The following PPARGC1A variants were observed in gnomAD, a reference collection of about 807,000 sequenced individuals.
The protein encoded by PPARGC1A is peroxisome proliferator-activated receptor gamma coactivator 1-alpha.
Under a neutral mutation model 88.7 loss-of-function variants are expected in PPARGC1A, and 25 were observed. That is an observed-to-expected ratio of 0.28 (90% CI 0.21 to 0.39). The LOEUF (loss-of-function observed/expected upper bound fraction) is 0.39, where lower values mean the gene tolerates loss of function less well. Ranked by LOEUF, PPARGC1A falls within the 10% of genes least tolerant of loss-of-function variation. The pLI is 1.00. For synonymous variants in PPARGC1A, 363 were observed against 355.6 expected, an observed-to-expected ratio of 1.02 and a Z score of -0.24; for missense variants, 880 against 968.7, an observed-to-expected ratio of 0.91 and a Z score of 1.22.
chr4:24,129,415 T>A, the PPARGC1A span, among the ~76,000 whole-genome samples: 1 of 152,234 alleles, frequency 6.6e-6, no homozygotes, highest in Non-Finnish European at 1.5e-5. Flanking sequence ...AATGGCTCAT[T>A]ATTCTAATGT....
chr4:24,454,103 G>A, the PPARGC1A span, among the ~76,000 whole-genome samples: 3 of 151,810 alleles, frequency 2.0e-5, no homozygotes, highest in African/African-American at 7.2e-5. Flanking sequence ...TGGAAACGTG[G>A]ATACATGGCT....
the PPARGC1A span, among the ~76,000 whole-genome samples, chr4:23,947,205 G>A: frequency 4.0e-5 from 6 of 151,648 alleles, no homozygotes; most frequent in African/African-American, 9.7e-5. Context: ...ATGATTCCAC[G>A]AGTACTGATA....
the PPARGC1A span, among the ~76,000 whole-genome samples, chr4:24,301,303 A>T: frequency 3.3e-5 from 5 of 152,180 alleles, no homozygotes; most frequent in South Asian, 1.0e-3. Context: ...GTCCAGGGTT[A>T]ATGAGGTTCA....
chr4:24,310,841 A>C, the PPARGC1A span, among the ~76,000 whole-genome samples: 1 of 152,150 alleles, frequency 6.6e-6, no homozygotes, highest in Non-Finnish European at 1.5e-5. Flanking sequence ...ACCTAGTATT[A>C]AGAGAAAAAC....
upstream of PPARGC1A, chr4:23,903,972 C>G (rs1287630558): frequency 3.3e-6 from 3 of 917,928 alleles, no homozygotes; most frequent in Non-Finnish European, 2.6e-6. Context: ...TAGGTGCAGA[C>G]ATAATGCCTC....
Position 23,831,682 on chromosome 4 carries a change from C to A in PPARGC1A, c.304G>T (p.Asp102Tyr), listed in dbSNP as rs773174815. ...TCAAATGAGGGCAATCCGTCTTCATCCACAGGGAGACTGTCTAGTGTCTCT... is the reference window on the plus strand; with the variant it reads ...TCAAATGAGGGCAATCCGTCTTCATACACAGGGAGACTGTCTAGTGTCTCT... ...LTETLDSLPVDEDGLPSFDAL... is the reference protein window; with the variant it reads ...LTETLDSLPVYEDGLPSFDAL... The change falls in exon 3 of 13, where the codon GAT becomes TAT. Residue 102 changes from aspartate to tyrosine, a missense_variant. Physicochemically the swap from Asp to Tyr is radical, Grantham distance 160. Transcript: ENST00000264867. 16 of 1,613,870 alleles carry A rather than the reference C, an allele frequency of 9.9e-6. No homozygotes were observed. The South Asian group carries it at 1.8e-4, about 18-fold the overall frequency.
At chr4:24,337,228 C>T in the PPARGC1A span, among the ~76,000 whole-genome samples, 4 of 152,210 alleles carry the variant, frequency 2.6e-5, no homozygotes, top group African/African-American at 4.8e-5. Flanking sequence ...ACTCTCACCG[C>T]CCCACCCAAT....
chr4:23,998,515 A>C, the PPARGC1A span, among the ~76,000 whole-genome samples: 1 of 152,244 alleles, frequency 6.6e-6, no homozygotes, highest in African/African-American at 2.4e-5. Flanking sequence ...GTAAAGTAAG[A>C]GCTATGCAAA....
the PPARGC1A span, among the ~76,000 whole-genome samples, chr4:24,226,607 C>G: frequency 6.6e-6 from 1 of 152,174 alleles, no homozygotes. Context: ...GGTTTATTTC[C>G]TTGGTTCCAC....
chr4:24,145,746 C>T, the PPARGC1A span, among the ~76,000 whole-genome samples: 43 of 152,170 alleles, frequency 2.8e-4, no homozygotes, highest in Admixed American at 8.5e-4. Flanking sequence ...TAATTCCAGA[C>T]GCATAACAAA....
chr4:24,089,510 C>CTTTTTT, the PPARGC1A span, among the ~76,000 whole-genome samples: 22 of 33,832 alleles, frequency 6.5e-4, no homozygotes, highest in African/African-American at 1.5e-3. Flanking sequence ...CTTTTCTTTT[C>CTTTTTT]TTTCTTTTTT....
the PPARGC1A span, among the ~76,000 whole-genome samples, chr4:24,044,248 C>T: frequency 6.6e-6 from 1 of 152,192 alleles, no homozygotes; most frequent in Admixed American, 6.5e-5. Context: ...CATTCACTTA[C>T]ATAAAAAGCA....
At chr4:23,810,620 A>T (rs1170944474) in intron 10 of PPARGC1A, among the ~76,000 whole-genome samples, 2 of 152,222 alleles carry the variant, frequency 1.3e-5, no homozygotes, top group Non-Finnish European at 2.9e-5. Context: ...TCATTTATTT[A>T]CATGCTTTTG....
chr4:24,329,036 A>G, the PPARGC1A span, among the ~76,000 whole-genome samples: 56 of 152,208 alleles, frequency 3.7e-4, no homozygotes, highest in East Asian at 0.01. Flanking sequence ...TGCCCAGCAA[A>G]CAGTTTATGT....
At chr4:23,821,340 C>T (rs1047888730) in intron 7 of PPARGC1A, among the ~76,000 whole-genome samples, 3 of 152,014 alleles carry the variant, frequency 2.0e-5, no homozygotes, top group Non-Finnish European at 4.4e-5. Flanking sequence ...TAGGGAGTGC[C>T]TGATTGCCAG....
the PPARGC1A span, among the ~76,000 whole-genome samples, chr4:24,057,473 A>G: frequency 9.5e-5 from 14 of 146,956 alleles, no homozygotes; most frequent in Admixed American, 1.3e-4. Context: ...AAAAAAAAAA[A>G]GCCATGGGGA....
chr4:24,289,687 G>A, the PPARGC1A span, among the ~76,000 whole-genome samples: 2 of 152,122 alleles, frequency 1.3e-5, no homozygotes, highest in Non-Finnish European at 2.9e-5. Context: ...ACTGACCACG[G>A]AACATCATCA....
the PPARGC1A span, among the ~76,000 whole-genome samples, chr4:24,155,842 C>T: frequency 1.3e-5 from 2 of 151,950 alleles, no homozygotes; most frequent in Admixed American, 6.6e-5. Context: ...AGTTGGTCAC[C>T]CAAGTGGGCA....
rs1717446999 is a variant in PPARGC1A at position 23,795,651 on chromosome 4, TG to T, written c.*170del. The T allele has an allele frequency of 1.8e-6, 1 of 560,986 alleles. No homozygotes were observed. Among genetic ancestry groups the T allele is most frequent in the South Asian group, 2.3e-5 (1 of 44,228 alleles). The allele number at this position is 560,986 out of a possible 1,614,324, so 34.8% of individuals were successfully genotyped here. A position where few individuals can be genotyped will look rare whatever the true frequency, so the allele number is the denominator to read the frequency against. On this transcript the variant is annotated 3_prime_UTR_variant, in exon 13 of 13. Coordinates refer to ENST00000264867, the MANE Select transcript of PPARGC1A (RefSeq NM_013261.5). The stretch of plus-strand genomic sequence containing the variant: ...CAGCTGTGTTCATGTAAACCATTGT[TG>T]TTATTGTTGTTGTTGTTCTTGTTGT...
Sources: allele counts gnomAD v4.1 joint callset (sites outside exome capture counted in the v4.1 genomes callset), GRCh38; gene constraint gnomAD v4.1.1; transcripts MANE v1.5; gene names NCBI Gene and HGNC (gene_info 2026-07-23, HGNC 2026-07-21).